Variants in EYS observed in about 807,000 individuals in gnomAD.
EYS encodes the protein protein eyes shut homolog.
In EYS, 250 loss-of-function variants were observed where a neutral mutation model predicts 282.1. The ratio of observed to expected loss-of-function variants is 0.89; its 90% CI spans 0.80 to 0.98. The LOEUF is 0.98. Ranked by LOEUF, EYS falls within the 50% of genes least tolerant of loss-of-function variation. The pLI is 0.00. For missense variants in EYS, 4,016 were observed against 3,709.0 expected (o/e 1.08, Z -2.15); for synonymous variants, 1,355 against 1,282.9 (o/e 1.06, Z -1.20).
chr6:65,690,008 T>C (rs182124596), intron 1 of EYS, among the ~76,000 whole-genome samples: 4 of 149,470 alleles, frequency 2.7e-5, no homozygotes, highest in African/African-American at 9.8e-5. Flanking sequence ...AGGGCGCGGG[T>C]AGGTTAGTGA....
intron 15 of EYS, among the ~76,000 whole-genome samples, chr6:64,919,296 C>T (rs1768263468): frequency 6.6e-6 from 1 of 152,056 alleles, no homozygotes; most frequent in African/African-American, 2.4e-5. Context: ...CTCAGCCTCT[C>T]AAGTAGCTGG....
chr6:65,270,257 G>A (rs1356363048), intron 12 of EYS, among the ~76,000 whole-genome samples: 1 of 152,176 alleles, frequency 6.6e-6, no homozygotes, highest in African/African-American at 2.4e-5. Flanking sequence ...AACCTAGCAA[G>A]GAAACTCCAG....
chr6:65,282,360 A>T (rs529720772), intron 12 of EYS, among the ~76,000 whole-genome samples: 2 of 152,088 alleles, frequency 1.3e-5, no homozygotes, highest in African/African-American at 4.8e-5. Context: ...AAAAGTACCG[A>T]TTTACAATTC....
At chr6:65,689,877 G>C (rs992163188) in intron 1 of EYS, among the ~76,000 whole-genome samples, 1 of 149,750 alleles carries the variant, frequency 6.7e-6, no homozygotes, top group African/African-American at 2.4e-5. Context: ...CAGATCGGCA[G>C]GTCGAGAAAT....
chr6:64,868,286 T>C (rs1271546350), intron 19 of EYS, among the ~76,000 whole-genome samples: 1 of 151,520 alleles, frequency 6.6e-6, no homozygotes, highest in Non-Finnish European at 1.5e-5. Flanking sequence ...TCTGTACTCA[T>C]GTAGAATTGG....
chr6:64,636,259 A>G (rs1321233407), intron 22 of EYS, among the ~76,000 whole-genome samples: 2 of 152,200 alleles, frequency 1.3e-5, no homozygotes, highest in Admixed American at 6.5e-5. Context: ...TAAATGGAAC[A>G]GAACAGAGCC....
chr6:64,947,383 T>C (rs940379702), intron 14 of EYS, among the ~76,000 whole-genome samples: 1 of 151,898 alleles, frequency 6.6e-6, no homozygotes, highest in Non-Finnish European at 1.5e-5. Flanking sequence ...TACTCAGTAC[T>C]GTGCTTTGGT....
rs567924769 is a variant in EYS, at chr6:65,688,575, G to A, written c.-448+18560C>T. On this transcript the variant is annotated intron_variant, in intron 1 of 42. Transcript: ENST00000503581. The stretch of plus-strand genomic sequence containing the variant: ...AAAGCCAAAATTGACAAATGGGATC[G>A]AAGTAAACTAAACCTACAGAATGGG... Among the ~76,000 whole-genome samples, 84 of 149,994 alleles carry A rather than the reference G, an allele frequency of 5.6e-4. 1 individual carries two copies. Among genetic ancestry groups the A allele is most frequent in the African/African-American group, 1.8e-3 (75 of 41,158 alleles).
intron 19 of EYS, among the ~76,000 whole-genome samples, chr6:64,826,714 G>T (rs115668142): frequency 0.058 from 8,605 of 148,174 alleles, 260 homozygotes; most frequent in East Asian, 0.11. Flanking sequence ...CTGTCAATCA[G>T]CTGTCTTTTT....
intron 22 of EYS, among the ~76,000 whole-genome samples, chr6:64,718,852 G>A (rs1309235031): frequency 6.6e-6 from 1 of 152,182 alleles, no homozygotes; most frequent in Admixed American, 6.5e-5. Context: ...GCTCCCTGAA[G>A]GTATCCACAC....
intron 30 of EYS, among the ~76,000 whole-genome samples, chr6:64,274,481 GT>G (rs10640761): frequency 0.034 from 3,124 of 92,172 alleles, 102 homozygotes; most frequent in African/African-American, 0.11. Context: ...ACGCCTGGCC[GT>G]TTTTTTTTTT....
intron 2 of EYS, among the ~76,000 whole-genome samples, chr6:65,597,768 C>A (rs1765460235): frequency 6.6e-6 from 1 of 151,984 alleles, no homozygotes; most frequent in Non-Finnish European, 1.5e-5. Flanking sequence ...GGTATCTGTG[C>A]AGCTTCCATT....
chr6:65,241,497 A>G (rs982947610), intron 12 of EYS, among the ~76,000 whole-genome samples: 1 of 152,132 alleles, frequency 6.6e-6, no homozygotes, highest in Non-Finnish European at 1.5e-5. Context: ...CTTTTTTAAA[A>G]TCAAGACCCA....
At chr6:64,894,957 G>C (rs1226997210) in intron 18 of EYS, among the ~76,000 whole-genome samples, 1 of 152,100 alleles carries the variant, frequency 6.6e-6, no homozygotes, top group East Asian at 1.9e-4. Flanking sequence ...TGGGGTAAGA[G>C]CTATTATGGA....
chr6:64,236,842 G>A (rs1239871543), intron 30 of EYS, among the ~76,000 whole-genome samples: 1 of 150,510 alleles, frequency 6.6e-6, no homozygotes, highest in Non-Finnish European at 1.5e-5. Flanking sequence ...TTCACAATGT[G>A]CCGGGATAGA....
intron 29 of EYS, among the ~76,000 whole-genome samples, chr6:64,309,449 A>G (rs1029929602): frequency 3.3e-5 from 5 of 152,200 alleles, no homozygotes; most frequent in African/African-American, 1.2e-4. Context: ...AGTAAATTCA[A>G]AATTTCTTCA....
chr6:63,920,401 CT>C (rs1379553244), intron 35 of EYS, among the ~76,000 whole-genome samples: 4 of 152,122 alleles, frequency 2.6e-5, no homozygotes, highest in African/African-American at 9.7e-5. Flanking sequence ...CCTCCCTGCC[CT>C]GGGCCATGTT....
chr6:64,800,983 TA>T (rs1253410976), intron 22 of EYS, among the ~76,000 whole-genome samples: 1 of 152,082 alleles, frequency 6.6e-6, no homozygotes, highest in Non-Finnish European at 1.5e-5. Flanking sequence ...TACTATTTTT[TA>T]CGCCCCTCTC....
At chr6:64,710,584 G>T (rs1244740009) in intron 22 of EYS, among the ~76,000 whole-genome samples, 1 of 152,180 alleles carries the variant, frequency 6.6e-6, no homozygotes, top group Non-Finnish European at 1.5e-5. Flanking sequence ...TAAATTTCTG[G>T]TTTAGCTGCT....
Sources: gnomAD v4.1 joint callset for allele counts (sites outside exome capture counted in the v4.1 genomes callset) on GRCh38, gnomAD v4.1.1 for gene constraint, MANE v1.5 for transcripts, NCBI Gene and HGNC (gene_info 2026-07-23, HGNC 2026-07-21) for gene names.